ADAMTS16: variants seen among roughly 807,000 people sequenced by gnomAD.
ADAMTS16 encodes the protein ADAM metallopeptidase with thrombospondin type 1 motif 16, also known as A disintegrin and metalloproteinase with thrombospondin motifs 16.
A neutral mutation model predicts 145.8 loss-of-function variants in ADAMTS16; 94 were observed. The ratio of observed to expected loss-of-function variants is 0.64; its 90% CI spans 0.55 to 0.77. ADAMTS16 has a LOEUF of 0.77. ADAMTS16 is among the 30% of genes least tolerant of loss of function. The pLI is 0.00. For synonymous variants in ADAMTS16, 659 were observed against 604.3 expected (o/e 1.09, Z -1.33); for missense variants, 1,585 against 1,591.5 (o/e 1.00, Z 0.07).
rs140760525 is a variant in ADAMTS16 at position 5,296,223 on chromosome 5, T to C, written c.2790-7045T>C. Among the ~76,000 whole-genome samples, 542 of 152,316 alleles carry C rather than the reference T, an allele frequency of 3.6e-3. 2 individuals are homozygous for C. Among genetic ancestry groups the C allele is most frequent in the Middle Eastern group, 6.8e-3 (2 of 294 alleles). ...CTCACAGAGGCTAAGTCACAGGCTC[T>C]GAGCCAGCAGCCTGCTGCAGACACA... On this transcript the variant is annotated intron_variant, in intron 18 of 22. Transcript: ENST00000274181.
chr5:5,231,023 C>T (rs564052096), intron 11 of ADAMTS16, among the ~76,000 whole-genome samples: 3 of 152,222 alleles, frequency 2.0e-5, no homozygotes, highest in South Asian at 4.1e-4. Context: ...GAAAAGAAAA[C>T]GACAACAACT....
intron 21 of ADAMTS16, among the ~76,000 whole-genome samples, chr5:5,315,604 G>C (rs1275522466): frequency 6.6e-6 from 1 of 152,114 alleles, no homozygotes; most frequent in Non-Finnish European, 1.5e-5. Flanking sequence ...GTGGCCAAAG[G>C]GTTCCTGTGA....
At chr5:5,220,396 G>A (rs1736567036) in intron 10 of ADAMTS16, among the ~76,000 whole-genome samples, 1 of 151,176 alleles carries the variant, frequency 6.6e-6, no homozygotes. Flanking sequence ...CTGACCTCGT[G>A]ATCCGCCCGC....
At chr5:5,171,163 T>G (rs1311149825) in intron 3 of ADAMTS16, among the ~76,000 whole-genome samples, 1 of 152,220 alleles carries the variant, frequency 6.6e-6, no homozygotes, top group African/African-American at 2.4e-5. Context: ...TTCTAATAAC[T>G]TTTTGGTGGT....
At chr5:5,179,461 G>A (rs949289893) in intron 3 of ADAMTS16, among the ~76,000 whole-genome samples, 1 of 152,152 alleles carries the variant, frequency 6.6e-6, no homozygotes, top group Non-Finnish European at 1.5e-5. Flanking sequence ...CTTCGGTAAT[G>A]GAGAAACTAA....
At chr5:5,246,975 A>G (rs1165357640) in intron 17 of ADAMTS16, among the ~76,000 whole-genome samples, 14 of 152,190 alleles carry the variant, frequency 9.2e-5, no homozygotes, top group Non-Finnish European at 1.5e-5. Flanking sequence ...TGTGGGCAGG[A>G]AGAGTCTCAG....
At chr5:5,280,439 G>A (rs915841641) in intron 18 of ADAMTS16, among the ~76,000 whole-genome samples, 2 of 152,132 alleles carry the variant, frequency 1.3e-5, no homozygotes, top group Non-Finnish European at 2.9e-5. Flanking sequence ...TGTGTCTTAT[G>A]ACTACTTAGT....
At chr5:5,245,044 T>C (rs1279439223) in intron 17 of ADAMTS16, among the ~76,000 whole-genome samples, 1 of 152,224 alleles carries the variant, frequency 6.6e-6, no homozygotes, top group African/African-American at 2.4e-5. Flanking sequence ...TTACTCAATT[T>C]TAAGTGGTTA....
At chr5:5,270,969 T>C (rs1738449150) in intron 18 of ADAMTS16, among the ~76,000 whole-genome samples, 1 of 152,196 alleles carries the variant, frequency 6.6e-6, no homozygotes, top group Non-Finnish European at 1.5e-5. Flanking sequence ...CAGTTCGTGC[T>C]CTGTCTGACA....
At position 5,301,694 on chromosome 5, in the gene ADAMTS16, G is replaced by C. The variant is rs115081489; in HGVS notation, c.2790-1574G>C. On this transcript the variant is annotated intron_variant, in intron 18 of 22. Transcript: ENST00000274181. ...TGAGGGTGACTGTGGGGTTCAGTGT[G>C]GGGGCACAGGATGGAGGGTCAAAGG... 3.0e-3 allele frequency among the ~76,000 whole-genome samples: 457 copies of C among 152,288 alleles called. 2 individuals are homozygous for C. The highest frequency in any genetic ancestry group is 0.011 in the African/African-American group (444 of 41,560).
chr5:5,159,357 C>A (rs1455639321), intron 3 of ADAMTS16, among the ~76,000 whole-genome samples: 2 of 152,142 alleles, frequency 1.3e-5, no homozygotes, highest in Non-Finnish European at 2.9e-5. Flanking sequence ...TAGCTCACTA[C>A]CCTGGGCTTC....
chr5:5,239,409 T>C, intron 15 of ADAMTS16, 135 bp downstream of exon 15: 1 of 1,354,508 alleles, frequency 7.4e-7, no homozygotes, highest in Non-Finnish European at 1.0e-6. Context: ...GCTGGCGCTT[T>C]GCTTCTCGAG....
intron 3 of ADAMTS16, among the ~76,000 whole-genome samples, chr5:5,162,421 G>A (rs908654017): frequency 3.9e-5 from 6 of 152,154 alleles, no homozygotes; most frequent in African/African-American, 1.4e-4. Context: ...CAGTGTAAAG[G>A]CTGAGCATTT....
At chr5:5,232,693 T>C (rs1413901307) in intron 12 of ADAMTS16, among the ~76,000 whole-genome samples, 177 bp downstream of exon 12, 4 of 141,664 alleles carry the variant, frequency 2.8e-5, no homozygotes, top group Admixed American at 7.8e-5. Flanking sequence ...AACCTCCGCC[T>C]CCCGGATTCA....
At chr5:5,191,383 G>A (rs1735659812) in intron 7 of ADAMTS16, among the ~76,000 whole-genome samples, 1 of 151,982 alleles carries the variant, frequency 6.6e-6, no homozygotes, top group African/African-American at 2.4e-5. Context: ...TAGATTCCAC[G>A]CTTTATTAGA....
At position 5,318,233 on chromosome 5, in the gene ADAMTS16, G is replaced by T; in HGVS notation, c.3511G>T (p.Ala1171Ser). 1 of 1,563,534 alleles carries T rather than the reference G, an allele frequency of 6.4e-7. No homozygotes were observed. Among genetic ancestry groups the T allele is most frequent in the Non-Finnish European group, 8.7e-7 (1 of 1,149,734 alleles). Residue 1171 changes from alanine (A) to serine (S), a missense_variant, in exon 22 of 23, where the codon GCC becomes TCC. By Grantham distance (99) the Ala-to-Ser change is moderately conservative. This residue lies in a region of ADAMTS16 where 834 missense variants were observed against 811.7 expected (regional missense o/e 1.03). Coordinates refer to ENST00000274181, the MANE Select transcript of ADAMTS16 (RefSeq NM_139056.4). ...SGCLLHQKPS[A>S]SLACNTHFCP... ...CTGCCTCCTGCACCAGAAGCCTTCG[G>T]CCTCCCTGGCCTGCAACACTCACTT...
At chr5:5,299,783 AC>A (rs1461071890) in intron 18 of ADAMTS16, among the ~76,000 whole-genome samples, 1 of 152,190 alleles carries the variant, frequency 6.6e-6, no homozygotes, top group East Asian at 1.9e-4. Flanking sequence ...TTTGGGTAAT[AC>A]CAGCCACTTT....
chr5:5,261,437 C>T (rs1006083654), intron 17 of ADAMTS16, among the ~76,000 whole-genome samples: 2 of 151,950 alleles, frequency 1.3e-5, no homozygotes, highest in Non-Finnish European at 2.9e-5. Context: ...CATGCCTGGC[C>T]CTGCATTCAC....
At chr5:5,175,734 C>G (rs79580600) in intron 3 of ADAMTS16, among the ~76,000 whole-genome samples, 1 of 152,152 alleles carries the variant, frequency 6.6e-6, no homozygotes, top group South Asian at 2.1e-4. Context: ...TCTAAATGTT[C>G]CGTCTGTGGG....
Sources: allele counts gnomAD v4.1 joint callset (sites outside exome capture counted in the v4.1 genomes callset), GRCh38; gene constraint gnomAD v4.1.1; regional missense constraint gnomAD v4.1.1; transcripts MANE v1.5; gene names NCBI Gene and HGNC (gene_info 2026-07-23, HGNC 2026-07-21).